Variants in DCST1 observed in about 807,000 individuals in gnomAD.
DCST1 encodes the protein DC-STAMP domain containing 1.
In DCST1, 78 loss-of-function variants were observed where a neutral mutation model predicts 89.1. The ratio of observed to expected loss-of-function variants is 0.88; its 90% CI spans 0.73 to 1.06. DCST1 has a LOEUF of 1.06. DCST1 is among the 50% of genes least tolerant of loss of function. The pLI, the probability that DCST1 is intolerant of heterozygous loss-of-function variation, is 0.00. For missense variants in DCST1, 900 were observed against 928.6 expected, an observed-to-expected ratio of 0.97 and a Z score of 0.40; for synonymous variants, 364 against 371.9, an observed-to-expected ratio of 0.98 and a Z score of 0.24.
intron 4 of DCST1, chr1:155,034,957 T>C: frequency 1.7e-6 from 1 of 572,238 alleles, no homozygotes; most frequent in Non-Finnish European, 3.1e-6. Flanking sequence ...GGACTCCCCA[T>C]CACCCACATG....
chr1:155,036,099 T>C (rs1660273412), intron 4 of DCST1, among the ~76,000 whole-genome samples: 3 of 151,502 alleles, frequency 2.0e-5, no homozygotes, highest in South Asian at 2.1e-4. Flanking sequence ...CTCATGTCTC[T>C]TTTTAGGAAC....
rs1660719579 is a variant in DCST1 at position 155,048,120 on chromosome 1, A to C, written c.1819A>C (p.Lys607Gln). 1.2e-6 allele frequency: 2 copies of C among 1,613,932 alleles called. No homozygotes were observed. Among genetic ancestry groups the C allele is most frequent in the Non-Finnish European group, 8.5e-7 (1 of 1,180,006 alleles). The change falls in exon 16 of 17, where the codon AAA (lysine) becomes CAA (glutamine). Residue 607 changes from lysine to glutamine, a missense_variant. By Grantham distance (53) the Lys-to-Gln change is moderately conservative. Coordinates refer to ENST00000295542, the MANE Select transcript of DCST1 (RefSeq NM_152494.4). ...ATTGAAGAAAAGAGCAGCCTTCACCAAACTCAGGAGGGCCGCTATCCTGAG... is the reference window on the plus strand; with the variant it reads ...ATTGAAGAAAAGAGCAGCCTTCACCCAACTCAGGAGGGCCGCTATCCTGAG... Reference protein sequence around the residue: ...DLLKKRAAFTKLRRAAILRRE... With the variant: ...DLLKKRAAFTQLRRAAILRRE...
intron 4 of DCST1, among the ~76,000 whole-genome samples, chr1:155,036,945 G>T (rs1459479432): frequency 6.6e-6 from 1 of 152,242 alleles, no homozygotes; most frequent in East Asian, 1.9e-4. Flanking sequence ...CCTTTTTGTG[G>T]AGAATGGGGT....
rs1336899262 is a variant in DCST1, at chr1:155,034,677, C to G, written c.212C>G (p.Pro71Arg). 1.9e-6 allele frequency: 3 copies of G among 1,614,060 alleles called. No homozygotes were observed. Residue 71 changes from proline to arginine, a missense_variant, in exon 4 of 17, where the codon CCC becomes CGC. Pro to Arg is a moderately radical substitution (Grantham distance 103, BLOSUM62 -2). Coordinates refer to ENST00000295542, the MANE Select transcript of DCST1 (RefSeq NM_152494.4). Reference sequence around the variant, plus strand: ...GGTCTCTTTCAGCTCCTGGTGAACCCCATGAACATCTACGAAGAACAGAAG... The same window carrying G: ...GGTCTCTTTCAGCTCCTGGTGAACCGCATGAACATCTACGAAGAACAGAAG... ...AIGLFQLLVN[P>R]MNIYEEQKIM...
rs1660217279 is a variant in DCST1 at position 155,034,713 on chromosome 1, T to C, written c.248T>C (p.Leu83Ser). ...NIYEEQKIMF[L>S]YSLVGLGAMG... ...TACGAAGAACAGAAGATTATGTTCT[T>C]GTACAGCTTGGTGGGTTAGTGCTGG... Residue 83 changes from leucine to serine, a missense_variant, in exon 4 of 17, where the codon TTG (leucine) becomes TCG (serine). By Grantham distance (145) the Leu-to-Ser change is moderately radical (BLOSUM62 -2). Coordinates refer to ENST00000295542, the MANE Select transcript of DCST1 (RefSeq NM_152494.4). 2.5e-6 allele frequency: 4 copies of C among 1,614,206 alleles called. No individual in the cohort carries two copies.
At chr1:155,044,746 G>C (rs999544145) in intron 10 of DCST1, among the ~76,000 whole-genome samples, 1 of 152,218 alleles carries the variant, frequency 6.6e-6, no homozygotes, top group Non-Finnish European at 1.5e-5. Flanking sequence ...AACTGAAGTG[G>C]GCATGACCAG....
At chr1:155,038,555 G>A (rs972995961) in intron 4 of DCST1, among the ~76,000 whole-genome samples, 3 of 152,176 alleles carry the variant, frequency 2.0e-5, no homozygotes, top group African/African-American at 4.8e-5. Flanking sequence ...TTGCTTTGAC[G>A]ATCATTGGGT....
intron 9 of DCST1, 59 bp downstream of exon 9, chr1:155,042,915 G>C: frequency 6.3e-7 from 1 of 1,597,966 alleles, no homozygotes; most frequent in South Asian, 1.1e-5. Context: ...GAGGGCATGA[G>C]GGAATAGAGC....
chr1:155,042,402 T>C (rs1263880519), intron 8 of DCST1, among the ~76,000 whole-genome samples: 2 of 152,092 alleles, frequency 1.3e-5, no homozygotes, highest in African/African-American at 2.4e-5. Flanking sequence ...CCCAGCCACA[T>C]TAAGGGCTTT....
rs1571557014 is a variant in DCST1 at position 155,034,835 on chromosome 1, C to G, written c.262+108C>G. The G allele has an allele frequency of 5.0e-6, 6 of 1,208,006 alleles. No homozygotes were observed. The East Asian group carries it at 1.4e-4, about 29-fold the overall frequency. 74.8% of individuals were successfully genotyped at this position (1,208,006 alleles called of 1,614,324 possible). On this transcript the variant is annotated intron_variant, in intron 4 of 16. Coordinates refer to ENST00000295542, the MANE Select transcript of DCST1 (RefSeq NM_152494.4). ...CTTGTTTCTTCTGTACCCATACATC[C>G]CCTGTGGCTTCCGCCTCCTCCTGGG...
rs1660701478 is a variant in DCST1 at position 155,047,710 on chromosome 1, G to A, written c.1613-77G>A. On this transcript the variant is annotated intron_variant, in intron 14 of 16. Coordinates refer to ENST00000295542, the MANE Select transcript of DCST1 (RefSeq NM_152494.4). ...GAATCAGAGGACTGCACCTCCCACT[G>A]GGATGGGAAGTCCAACCCAGGGCTG... 8.8e-6 allele frequency: 12 copies of A among 1,358,782 alleles called. No homozygotes were observed. In the Admixed American group the frequency reaches 2.1e-4, roughly 24 times the overall value. 84.2% of individuals were successfully genotyped at this position (1,358,782 alleles called of 1,614,324 possible).
intron 13 of DCST1, among the ~76,000 whole-genome samples, chr1:155,046,906 T>C (rs1660660068): frequency 6.6e-6 from 1 of 152,062 alleles, no homozygotes; most frequent in South Asian, 2.1e-4. Flanking sequence ...GTGCCAGCCA[T>C]CCTTCTGCCT....
rs544553710 is a variant in DCST1 at position 155,047,806 on chromosome 1, G to A, written c.1632G>A (p.Val544=). 2 of 1,614,092 alleles carry A rather than the reference G, an allele frequency of 1.2e-6. No homozygotes were observed. Among genetic ancestry groups the A allele is most frequent in the South Asian group, 2.2e-5 (2 of 91,086 alleles). Residue 544 remains valine, a synonymous_variant, in exon 15 of 17, where the codon GTG becomes GTA. Transcript: ENST00000295542. ...SNNMPCLPQP[V]GLDARAYWRA... is the part of the protein sequence containing the mutation. ...CCCTAGCCTGCCTGCCCCAGCCTGTGGGCCTGGATGCCAGGGCCTACTGGA... is the reference window on the plus strand; with the variant it reads ...CCCTAGCCTGCCTGCCCCAGCCTGTAGGCCTGGATGCCAGGGCCTACTGGA...
intron 4 of DCST1, among the ~76,000 whole-genome samples, chr1:155,038,602 C>T (rs1317932615): frequency 6.6e-6 from 1 of 152,180 alleles, no homozygotes; most frequent in African/African-American, 2.4e-5. Context: ...CTAGCTCCCC[C>T]GACCAGCTTA....
At chr1:155,041,963 G>T in intron 8 of DCST1, 106 bp downstream of exon 8, 2 of 1,488,072 alleles carry the variant, frequency 1.3e-6, no homozygotes, top group South Asian at 2.6e-5. Context: ...GAGGGTTTTG[G>T]CCCTGAGGCC....
chr1:155,034,502 C>A lies in DCST1; in HGVS notation c.129C>A (p.Gly43=), dbSNP rs140046030. Residue 43 remains glycine, a synonymous_variant, in exon 3 of 17, where the codon GGC becomes GGA. Transcript: ENST00000295542. ...SCSWFLWRQP[G]EFPVTALLLG... ...GCTGGTTCCTGTGGCGCCAGCCGGG[C>A]GAGTTTCCTGTCACTGCTCTCCTGC... is the stretch of plus-strand genomic sequence containing the variant. The A allele has an allele frequency of 1.9e-6, 3 of 1,613,578 alleles. No homozygotes were observed. Among genetic ancestry groups the A allele is most frequent in the East Asian group, 2.2e-5 (1 of 44,844 alleles).
chr1:155,046,468 C>G lies in DCST1; in HGVS notation c.1477C>G (p.Leu493Val). The G allele has an allele frequency of 1.2e-6, 2 of 1,614,108 alleles. No individual in the cohort carries two copies. The highest frequency in any genetic ancestry group is 1.7e-6 in the Non-Finnish European group (2 of 1,180,018). ...CGACACCATCCGCCACCACTCCTTC[C>G]TGCAGTACTCCTTCCGCAGTAAGCC... ...IFDTIRHHSF[L>V]QYSFRSSHKL... Residue 493 changes from leucine to valine, a missense_variant, in exon 13 of 17, where the codon CTG becomes GTG. Leu to Val is a conservative substitution (Grantham distance 32). Transcript: ENST00000295542.
chr1:155,034,931 G>A, intron 4 of DCST1: 1 of 604,938 alleles, frequency 1.7e-6, no homozygotes, highest in Admixed American at 2.8e-5. Flanking sequence ...CCCTGAGGGA[G>A]TCTCTCCATT....
At chr1:155,045,794 C>A in intron 10 of DCST1, 99 bp from the exon 11 acceptor site, 1 of 966,588 alleles carries the variant, frequency 1.0e-6, no homozygotes, top group Non-Finnish European at 1.7e-6. Context: ...TGAATGCTGG[C>A]TGGTTGGTTG....
Sources: gnomAD v4.1 joint callset for allele counts (sites outside exome capture counted in the v4.1 genomes callset) on GRCh38, gnomAD v4.1.1 for gene constraint, MANE v1.5 for transcripts, NCBI Gene and HGNC (gene_info 2026-07-23, HGNC 2026-07-21) for gene names.